The following PPP3CC variants were observed in gnomAD, a reference collection of about 807,000 sequenced individuals.
PPP3CC encodes the protein protein phosphatase 3 catalytic subunit gamma, also known as serine/threonine-protein phosphatase 2B catalytic subunit gamma isoform.
In PPP3CC, 35 loss-of-function variants were observed where a neutral mutation model predicts 60.3. The ratio of observed to expected loss-of-function variants is 0.58; its 90% CI spans 0.44 to 0.77. The LOEUF is 0.77. PPP3CC is among the 30% of genes least tolerant of loss of function. The pLI, the probability that PPP3CC is intolerant of heterozygous loss-of-function variation, is 0.00. For synonymous variants in PPP3CC, 206 were observed against 224.3 expected, an observed-to-expected ratio of 0.92 and a Z score of 0.73; for missense variants, 570 against 628.9, an observed-to-expected ratio of 0.91 and a Z score of 1.00.
At chr8:22,523,994 A>T (rs542440216) in intron 8 of PPP3CC, among the ~76,000 whole-genome samples, 1 of 152,358 alleles carries the variant, frequency 6.6e-6, no homozygotes, top group South Asian at 2.1e-4. Flanking sequence ...TTCACTTTTA[A>T]GTGTGTCACA....
chr8:22,495,634 CTTCA>C (rs1838546560), intron 3 of PPP3CC, among the ~76,000 whole-genome samples: 2 of 152,062 alleles, frequency 1.3e-5, no homozygotes, highest in African/African-American at 4.8e-5. Flanking sequence ...TCTCGGCTTA[CTTCA>C]ACCTCTACCT....
At chr8:22,520,320 A>T (rs1839371488) in intron 6 of PPP3CC, among the ~76,000 whole-genome samples, 1 of 151,828 alleles carries the variant, frequency 6.6e-6, no homozygotes, top group Non-Finnish European at 1.5e-5. Context: ...TTATTTGGAG[A>T]CCTTTGGGCT....
chr8:22,451,163 T>A (rs1837011251), intron 1 of PPP3CC, among the ~76,000 whole-genome samples: 1 of 147,032 alleles, frequency 6.8e-6, no homozygotes, highest in Non-Finnish European at 1.5e-5. Flanking sequence ...TGAGACAGAG[T>A]CTCACTCTGT....
chr8:22,463,038 T>C (rs957805962), intron 1 of PPP3CC, among the ~76,000 whole-genome samples: 1 of 152,206 alleles, frequency 6.6e-6, no homozygotes, highest in South Asian at 2.1e-4. Flanking sequence ...AACTGTCCCA[T>C]ATTTGGTTTA....
At chr8:22,507,013 G>T (rs1251698210) in intron 4 of PPP3CC, among the ~76,000 whole-genome samples, 1 of 151,926 alleles carries the variant, frequency 6.6e-6, no homozygotes. Flanking sequence ...CAGCACATTG[G>T]GAGGCTGAGG....
intron 8 of PPP3CC, among the ~76,000 whole-genome samples, chr8:22,525,874 T>A (rs576613714): frequency 4.7e-5 from 7 of 148,760 alleles, no homozygotes; most frequent in African/African-American, 1.5e-4. Context: ...TCATATTATT[T>A]TTTTTTTTTC....
chr8:22,464,035 A>G (rs1341144455), intron 1 of PPP3CC, among the ~76,000 whole-genome samples: 2 of 151,992 alleles, frequency 1.3e-5, no homozygotes, highest in African/African-American at 4.8e-5. Flanking sequence ...TGATCTGCCT[A>G]CCTCGGCCTC....
At chr8:22,540,187 G>A (rs1839928624) in intron 13 of PPP3CC, among the ~76,000 whole-genome samples, 1 of 151,836 alleles carries the variant, frequency 6.6e-6, no homozygotes, top group African/African-American at 2.4e-5. Flanking sequence ...ACTTTTTTTT[G>A]TGGTCTATGT....
chr8:22,527,339 C>T, intron 8 of PPP3CC, 53 bp from the exon 9 acceptor site: 1 of 1,592,494 alleles, frequency 6.3e-7, no homozygotes, highest in Non-Finnish European at 8.6e-7. Flanking sequence ...AAGCATACCA[C>T]TTGCCATGCC....
At chr8:22,511,320 C>T in intron 5 of PPP3CC, 89 bp downstream of exon 5, 2 of 1,375,352 alleles carry the variant, frequency 1.5e-6, no homozygotes, top group Non-Finnish European at 2.0e-6. Context: ...GACAGAGTCT[C>T]TCTCTTTCAC....
In PPP3CC at chr8:22,515,545, C is replaced by T. The variant is rs114760357; in HGVS notation, c.770+2113C>T. Reference sequence around the variant, plus strand: ...CTGTTTTTAGTTTTTTTGAGGAACTCCAAACTGTTCTCCATAGTAGTGTAC... The same window carrying T: ...CTGTTTTTAGTTTTTTTGAGGAACTTCAAACTGTTCTCCATAGTAGTGTAC... On this transcript the variant is annotated intron_variant, in intron 6 of 13. Coordinates refer to ENST00000240139, the MANE Select transcript of PPP3CC (RefSeq NM_005605.5). Among the ~76,000 whole-genome samples the T allele has an allele frequency of 7.9e-3, 1,200 of 152,270 alleles. 16 individuals are homozygous for T. The highest frequency in any genetic ancestry group is 0.027 in the African/African-American group (1,138 of 41,546).
chr8:22,470,057 T>TACACAC (rs1200011074), intron 1 of PPP3CC, among the ~76,000 whole-genome samples: 3 of 144,480 alleles, frequency 2.1e-5, no homozygotes, highest in African/African-American at 5.3e-5. Context: ...GATATATATA[T>TACACAC]ATACACACAC....
intron 6 of PPP3CC, among the ~76,000 whole-genome samples, chr8:22,515,541 A>G (rs1360769645): frequency 6.6e-6 from 1 of 152,180 alleles, no homozygotes; most frequent in Non-Finnish European, 1.5e-5. Flanking sequence ...TTTTTTGAGG[A>G]ACTCCAAACT....
chr8:22,473,024 CT>C (rs1159362218), intron 1 of PPP3CC, among the ~76,000 whole-genome samples: 3 of 152,134 alleles, frequency 2.0e-5, no homozygotes, highest in African/African-American at 7.2e-5. Context: ...GGTTGGGTAG[CT>C]GCTATCGTTT....
chr8:22,466,790 G>A (rs573297977), intron 1 of PPP3CC, among the ~76,000 whole-genome samples: 1 of 152,270 alleles, frequency 6.6e-6, no homozygotes, highest in African/African-American at 2.4e-5. Context: ...GTCTCACTCT[G>A]TTGTCCAGGC....
rs1241255104 is a variant in PPP3CC, at chr8:22,510,431, T to TTA, written c.485-649_485-648dup. Among the ~76,000 whole-genome samples, 3 of 152,208 alleles carry TTA rather than the reference T, an allele frequency of 2.0e-5. No individual in the cohort carries two copies. The East Asian group carries it at 5.8e-4, about 29-fold the overall frequency. ...TGTCTCTTAAGACTCCAGTTTCCAC[T>TTA]TATATATCTTCAACACCCCTAAGAG... On this transcript the variant is annotated intron_variant, in intron 4 of 13. Transcript: ENST00000240139.
intron 8 of PPP3CC, among the ~76,000 whole-genome samples, chr8:22,525,446 TTCTC>T (rs148760690): frequency 0.031 from 4,686 of 151,638 alleles, 173 homozygotes; most frequent in East Asian, 0.09. Context: ...TTCTCTCTCT[TTCTC>T]TCTCTCTTTC....
intron 4 of PPP3CC, among the ~76,000 whole-genome samples, chr8:22,508,537 C>G (rs1328871910): frequency 6.6e-6 from 1 of 152,122 alleles, no homozygotes; most frequent in South Asian, 2.1e-4. Context: ...AATGACAATA[C>G]ACTTCCTTAC....
intron 6 of PPP3CC, among the ~76,000 whole-genome samples, chr8:22,517,934 A>G (rs1225793184): frequency 6.6e-6 from 1 of 151,906 alleles, no homozygotes; most frequent in African/African-American, 2.4e-5. Context: ...TGAAGTGTAA[A>G]ATAAGGTTGT....
Sources: allele counts gnomAD v4.1 joint callset (sites outside exome capture counted in the v4.1 genomes callset), GRCh38; gene constraint gnomAD v4.1.1; transcripts MANE v1.5; gene names NCBI Gene and HGNC (gene_info 2026-07-23, HGNC 2026-07-21).